MPRIP: variants seen among roughly 807,000 people sequenced by gnomAD.
MPRIP encodes the protein myosin phosphatase Rho-interacting protein.
In MPRIP, 59 loss-of-function variants were observed where a neutral mutation model predicts 234.9. The observed-to-expected ratio is 0.25, with a 90% CI of 0.20 to 0.31. MPRIP has a LOEUF of 0.31. MPRIP is among the 10% of genes least tolerant of loss of function. MPRIP has a pLI of 1.00. For synonymous variants in MPRIP, 1,144 were observed against 1,263.9 expected (o/e 0.91, Z 2.01); for missense variants, 2,436 against 3,071.0 (o/e 0.79, Z 4.89).
rs1024460436 is a variant in MPRIP, at chr17:17,098,994, A to G, written c.267+20918A>G. On this transcript the variant is annotated intron_variant, in intron 3 of 23. Coordinates refer to ENST00000651222, the MANE Select transcript of MPRIP (RefSeq NM_001364716.4). ...GGGGTAGTGGGGTGGGGGATGAAGAATACGCAAGGATCTGCTTCCACCATC... is the reference window on the plus strand; with the variant it reads ...GGGGTAGTGGGGTGGGGGATGAAGAGTACGCAAGGATCTGCTTCCACCATC... Among the ~76,000 whole-genome samples the G allele has an allele frequency of 2.6e-5, 4 of 152,316 alleles. No homozygotes were observed. In the East Asian group the frequency reaches 7.7e-4, roughly 29 times the overall value.
chr17:17,137,926 C>T lies in MPRIP; in HGVS notation c.747C>T (p.Ala249=). 6.2e-7 allele frequency: 1 copy of T among 1,605,924 alleles called. No individual in the cohort carries two copies. The highest frequency in any genetic ancestry group is 8.5e-7 in the Non-Finnish European group (1 of 1,176,262). ...PGLESKEEES[A]MSSDRMDCGR... ...CACTGTCTCTTCCAGAGGAGAGCGC[C>T]ATGAGTAGCGACCGCATGGACTGTG... The change falls in exon 7 of 24, where the codon GCC becomes GCT. Residue 249 remains alanine (A), a synonymous_variant. Coordinates refer to ENST00000651222, the MANE Select transcript of MPRIP (RefSeq NM_001364716.4).
At chr17:17,115,918 A>T (rs1223036147) in intron 3 of MPRIP, among the ~76,000 whole-genome samples, 1 of 152,136 alleles carries the variant, frequency 6.6e-6, no homozygotes, top group Non-Finnish European at 1.5e-5. Flanking sequence ...TCTCTACCTC[A>T]TGCCCTGCAG....
At chr17:17,120,800 G>T (rs1245519670) in intron 3 of MPRIP, among the ~76,000 whole-genome samples, 1 of 152,224 alleles carries the variant, frequency 6.6e-6, no homozygotes, top group Admixed American at 6.5e-5. Context: ...CATCAGAGTT[G>T]CTTTGCTGAC....
At chr17:17,067,790 C>CTTTTTTTTTTTTT (rs35187618) in intron 1 of MPRIP, among the ~76,000 whole-genome samples, 8 of 76,754 alleles carry the variant, frequency 1.0e-4, no homozygotes, top group East Asian at 4.5e-4. Flanking sequence ...CTTCTTCTTC[C>CTTTTTTTTTTTTT]TTTTTTTTTT....
intron 5 of MPRIP, among the ~76,000 whole-genome samples, chr17:17,132,820 A>G (rs1171571808): frequency 6.6e-6 from 1 of 152,242 alleles, no homozygotes; most frequent in Non-Finnish European, 1.5e-5. Flanking sequence ...AGTCAGCGAA[A>G]AATACAGAGT....
Position 17,166,336 on chromosome 17 carries a change from C to G in MPRIP, c.4745C>G (p.Ser1582Cys). The G allele has an allele frequency of 7.7e-7, 1 of 1,304,606 alleles. No homozygotes were observed. Among genetic ancestry groups the G allele is most frequent in the African/African-American group, 1.5e-5 (1 of 65,996 alleles). The allele number at this position is 1,304,606 out of a possible 1,614,324, so 80.8% of individuals were successfully genotyped here. The change falls in exon 16 of 24, where the codon TCC becomes TGC. Residue 1582 changes from serine (S) to cysteine (C), a missense_variant. Ser to Cys is a moderately radical substitution (Grantham distance 112). Around this residue, in one of 4 missense-constraint regions of MPRIP, gnomAD observed 1,998 missense variants for 2,520.3 expected, o/e 0.79. Transcript: ENST00000651222. This position sits in a 1 kb window ranked among gnomAD's most constrained non-coding sequence, Gnocchi z 4.4. ...TCGCTGATCAGCCAGATAGCAGATT[C>G]CCTGAAGAACACAACATCAGATGTC... ...EASLISQIAD[S>C]LKNTTSDVSR... is the part of the protein sequence containing the mutation.
At chr17:17,080,995 C>T (rs931719401) in intron 3 of MPRIP, among the ~76,000 whole-genome samples, 1 of 152,154 alleles carries the variant, frequency 6.6e-6, no homozygotes, top group Non-Finnish European at 1.5e-5. Flanking sequence ...GCACTCCCTA[C>T]GTGGTGCCCT....
chr17:17,145,825 C>T (rs1366875375), intron 9 of MPRIP, among the ~76,000 whole-genome samples: 1 of 152,224 alleles, frequency 6.6e-6, no homozygotes, highest in African/African-American at 2.4e-5. Context: ...CTGCCAAGCC[C>T]AGCATCTCCT....
chr17:17,150,308 T>C (rs1298373173), intron 12 of MPRIP, 75 bp downstream of exon 12: 1 of 1,142,998 alleles, frequency 8.7e-7, no homozygotes, highest in Non-Finnish European at 1.3e-6. Flanking sequence ...ATGTCTGGGC[T>C]GGGGGCACTT....
chr17:17,176,085 A>G (rs1842277498), intron 20 of MPRIP, among the ~76,000 whole-genome samples: 1 of 152,206 alleles, frequency 6.6e-6, no homozygotes, highest in South Asian at 2.1e-4. Context: ...AGGGCGGGCA[A>G]GAGAGGCTGA....
chr17:17,119,354 G>A lies in MPRIP; in HGVS notation c.268-7348G>A, dbSNP rs79456411. 1.2e-3 allele frequency among the ~76,000 whole-genome samples: 189 copies of A among 152,352 alleles called. 3 individuals carry two copies. In the East Asian group the frequency reaches 0.029, roughly 24 times the overall value. ...GGGGCCGTGCTGGGCAAGTCTCCAC[G>A]TGGTCCAGGCTGGGTAGCCCTGCCT... On this transcript the variant is annotated intron_variant, in intron 3 of 23. Coordinates refer to ENST00000651222, the MANE Select transcript of MPRIP (RefSeq NM_001364716.4).
At chr17:17,052,415 C>G (rs1302449447) in intron 1 of MPRIP, among the ~76,000 whole-genome samples, 1 of 152,158 alleles carries the variant, frequency 6.6e-6, no homozygotes, top group Non-Finnish European at 1.5e-5. Flanking sequence ...CTGTCTGCAC[C>G]TGCCCTCCCT....
intron 3 of MPRIP, among the ~76,000 whole-genome samples, chr17:17,124,463 C>T (rs2090453586): frequency 6.6e-6 from 1 of 152,220 alleles, no homozygotes; most frequent in Non-Finnish European, 1.5e-5. Flanking sequence ...GGATACACAG[C>T]TCATCCAGGG....
intron 23 of MPRIP, 55 bp downstream of exon 23, chr17:17,180,143 G>A (rs777952553): frequency 2.3e-5 from 32 of 1,403,616 alleles, no homozygotes; most frequent in Non-Finnish European, 3.1e-5. Flanking sequence ...ACTGGGGAGA[G>A]TAGCCCAAAT....
chr17:17,069,779 C>A (rs144942920), intron 1 of MPRIP, among the ~76,000 whole-genome samples: 1 of 152,102 alleles, frequency 6.6e-6, no homozygotes, highest in Non-Finnish European at 1.5e-5. Flanking sequence ...GCTTTAGTCA[C>A]GAAACAGAAA....
At chr17:17,046,029 T>A (rs1567677925) in intron 1 of MPRIP, among the ~76,000 whole-genome samples, 2 of 152,302 alleles carry the variant, frequency 1.3e-5, no homozygotes, top group African/African-American at 2.4e-5. Flanking sequence ...ATGGTCTTGA[T>A]CTCCTGACCT....
rs1361201982 is a variant in MPRIP, at chr17:17,166,846, A to G, written c.5255A>G (p.Glu1752Gly). 19 of 1,303,952 alleles carry G rather than the reference A, an allele frequency of 1.5e-5. No homozygotes were observed. In the Admixed American group the frequency reaches 3.2e-4, roughly 22 times the overall value. 80.8% of individuals were successfully genotyped at this position (1,303,952 alleles called of 1,614,324 possible). The change falls in exon 16 of 24, where the codon GAA (glutamate) becomes GGA (glycine). Residue 1752 changes from glutamate (E) to glycine (G), a missense_variant. By Grantham distance (98) the Glu-to-Gly change is moderately conservative. Around this residue, in one of 4 missense-constraint regions of MPRIP, gnomAD observed 1,998 missense variants for 2,520.3 expected, o/e 0.79. Coordinates refer to ENST00000651222, the MANE Select transcript of MPRIP (RefSeq NM_001364716.4). The surrounding 1 kb of genome is among the most constrained non-coding windows in gnomAD (Gnocchi z 4.4). ...TCCTGGGACCTGAGCCCCTTAGGAG[A>G]AGTCCTGGGCCGAGACTCAGACAGC... The part of the protein sequence containing the change: ...QLSWDLSPLG[E>G]VLGRDSDSSQ...
chr17:17,128,085 C>T (rs1276036817), intron 4 of MPRIP, among the ~76,000 whole-genome samples: 2 of 152,214 alleles, frequency 1.3e-5, no homozygotes, highest in African/African-American at 4.8e-5. Flanking sequence ...CCTCGTGGTA[C>T]AGTCGAGGAG....
intron 1 of MPRIP, among the ~76,000 whole-genome samples, chr17:17,063,548 G>A (rs1168166800): frequency 1.3e-5 from 2 of 152,186 alleles, no homozygotes; most frequent in East Asian, 3.9e-4. Flanking sequence ...GATGTGATGG[G>A]GTGAGAAGAG....
Sources: allele counts gnomAD v4.1 joint callset (sites outside exome capture counted in the v4.1 genomes callset), GRCh38; gene constraint gnomAD v4.1.1; regional missense constraint gnomAD v4.1.1; non-coding constraint Gnocchi (gnomAD v3.1); transcripts MANE v1.5; gene names NCBI Gene and HGNC (gene_info 2026-07-23, HGNC 2026-07-21).